The following TENM3 variants were observed in gnomAD, a reference collection of about 807,000 sequenced individuals.
TENM3 encodes teneurin transmembrane protein 3, also known as teneurin-3.
In TENM3, 63 loss-of-function variants were observed where a neutral mutation model predicts 255.1. The ratio of observed to expected loss-of-function variants is 0.25; its 90% CI spans 0.20 to 0.30. The LOEUF is 0.30. Ranked by LOEUF, TENM3 falls within the 10% of genes least tolerant of loss-of-function variation. The probability of loss-of-function intolerance (pLI) is 1.00; values close to 1 mark genes in which losing one functional copy is unlikely to be tolerated. For missense variants in TENM3, 2,929 were observed against 3,461.1 expected (o/e 0.85, Z 3.86); for synonymous variants, 1,306 against 1,322.3 (o/e 0.99, Z 0.27).
At chr4:182,257,589 A>T (rs529690727) in intron 1 of TENM3, among the ~76,000 whole-genome samples, 3 of 152,296 alleles carry the variant, frequency 2.0e-5, no homozygotes, top group Non-Finnish European at 2.9e-5. Context: ...CTGCCCAAGG[A>T]TGCATTTCTG....
intron 3 of TENM3, among the ~76,000 whole-genome samples, chr4:182,448,406 C>T (rs1773115131): frequency 6.6e-6 from 1 of 152,050 alleles, no homozygotes; most frequent in African/African-American, 2.4e-5. Context: ...CCGCCGGGCC[C>T]GCCTGGCAGG....
the TENM3 span, among the ~76,000 whole-genome samples, chr4:182,013,957 CACATATATACGTATATATACGT>C: frequency 8.7e-6 from 1 of 114,306 alleles, no homozygotes; most frequent in Non-Finnish European, 1.8e-5. Context: ...CGTATATACA[CACATATATACGTATATATACGT>C]GTATATACGT....
At chr4:182,020,026 C>A in the TENM3 span, among the ~76,000 whole-genome samples, 1 of 151,992 alleles carries the variant, frequency 6.6e-6, no homozygotes, top group African/African-American at 2.4e-5. Context: ...AGCCAACAGA[C>A]CGAACTGCTT....
At chr4:181,758,732 GGAAAGATTACTAA>G in the TENM3 span, among the ~76,000 whole-genome samples, 1 of 152,184 alleles carries the variant, frequency 6.6e-6, no homozygotes, top group Non-Finnish European at 1.5e-5. Context: ...TCATTGGACA[GGAAAGATTACTAA>G]AAGCCAGCAC....
the TENM3 span, among the ~76,000 whole-genome samples, chr4:181,725,732 G>A: frequency 8.6e-5 from 13 of 151,996 alleles, no homozygotes; most frequent in Admixed American, 2.0e-4. Context: ...GTGAACCACC[G>A]CACCCAGCCT....
intron 3 of TENM3, 51 bp downstream of exon 3, chr4:182,346,980 T>A: frequency 7.5e-7 from 1 of 1,338,936 alleles, no homozygotes; most frequent in Non-Finnish European, 9.7e-7. Context: ...CTTCTGTCTG[T>A]TTTGGTTGAC....
the TENM3 span, among the ~76,000 whole-genome samples, chr4:181,956,156 G>C: frequency 2.6e-5 from 4 of 152,102 alleles, no homozygotes; most frequent in African/African-American, 9.7e-5. Flanking sequence ...AGCCCTCAGG[G>C]TCTCCTTCCT....
intron 10 of TENM3, among the ~76,000 whole-genome samples, 152 bp downstream of exon 10, chr4:182,680,889 C>T (rs547706131): frequency 1.3e-5 from 2 of 152,252 alleles, no homozygotes; most frequent in South Asian, 4.1e-4. Context: ...GTTTTACTAA[C>T]ATTTTAACTA....
At chr4:182,410,052 C>A (rs1262491669) in intron 3 of TENM3, among the ~76,000 whole-genome samples, 1 of 152,148 alleles carries the variant, frequency 6.6e-6, no homozygotes, top group Non-Finnish European at 1.5e-5. Context: ...GTCTTGAACT[C>A]CTGGACTCAA....
intron 1 of TENM3, among the ~76,000 whole-genome samples, chr4:182,181,798 G>C (rs1752854348): frequency 6.6e-6 from 1 of 151,768 alleles, no homozygotes; most frequent in Non-Finnish European, 1.5e-5. Context: ...CATTTGGTAA[G>C]TGTCAAATTA....
chr4:182,543,148 T>C (rs1362799379), intron 3 of TENM3, among the ~76,000 whole-genome samples: 1 of 151,696 alleles, frequency 6.6e-6, no homozygotes, highest in Non-Finnish European at 1.5e-5. Context: ...GATGCAAGGA[T>C]GGAGGGATGC....
chr4:181,645,892 G>T, the TENM3 span, among the ~76,000 whole-genome samples: 2 of 152,224 alleles, frequency 1.3e-5, no homozygotes, highest in East Asian at 1.9e-4. Context: ...CTTGCACATC[G>T]TTTTTTGTCT....
chr4:181,536,248 C>G, the TENM3 span, among the ~76,000 whole-genome samples: 1 of 152,166 alleles, frequency 6.6e-6, no homozygotes, highest in African/African-American at 2.4e-5. Context: ...GTCACTGCTG[C>G]CTTTTGAATG....
chr4:181,628,600 C>G, the TENM3 span, among the ~76,000 whole-genome samples: 13,573 of 152,174 alleles, frequency 0.089, 640 homozygotes, highest in East Asian at 0.14. Context: ...AATCCTTTCC[C>G]CATTGCTTGT....
chr4:181,978,056 T>C, the TENM3 span, among the ~76,000 whole-genome samples: 1 of 152,154 alleles, frequency 6.6e-6, no homozygotes, highest in African/African-American at 2.4e-5. Flanking sequence ...TTAACAGATC[T>C]GCAAGCCAGG....
intron 3 of TENM3, among the ~76,000 whole-genome samples, chr4:182,559,203 C>T (rs539835855): frequency 1.5e-5 from 2 of 136,864 alleles, no homozygotes; most frequent in South Asian, 2.3e-4. Context: ...ATAGCGCTTA[C>T]GTTAACTGAC....
chr4:182,039,822 A>G, the TENM3 span, among the ~76,000 whole-genome samples: 1 of 150,894 alleles, frequency 6.6e-6, no homozygotes, highest in East Asian at 2.0e-4. Context: ...CTCAGCAAAC[A>G]TCAGTTAAAT....
intron 3 of TENM3, among the ~76,000 whole-genome samples, chr4:182,576,489 A>G (rs1470189581): frequency 6.6e-6 from 1 of 152,242 alleles, no homozygotes; most frequent in Admixed American, 6.5e-5. Context: ...GAGAGTGGTT[A>G]GAGCCAAATA....
At chr4:182,398,066 C>CA (rs1357214610) in intron 3 of TENM3, among the ~76,000 whole-genome samples, 1 of 152,082 alleles carries the variant, frequency 6.6e-6, no homozygotes, top group Non-Finnish European at 1.5e-5. Flanking sequence ...GACAGCCCAT[C>CA]AAAATAGAAA....
Sources: allele counts gnomAD v4.1 joint callset (sites outside exome capture counted in the v4.1 genomes callset), GRCh38; gene constraint gnomAD v4.1.1; transcripts MANE v1.5; gene names NCBI Gene and HGNC (gene_info 2026-07-23, HGNC 2026-07-21).